Variants in DIXDC1 observed in about 807,000 individuals in gnomAD.
The protein encoded by DIXDC1 is dixin.
Under a neutral mutation model 103.1 loss-of-function variants are expected in DIXDC1, and 64 were observed. That is an observed-to-expected ratio of 0.62 (90% confidence interval 0.51 to 0.76). DIXDC1 has a LOEUF of 0.76. Ranked by LOEUF, DIXDC1 falls within the 30% of genes least tolerant of loss-of-function variation. The pLI, the probability that DIXDC1 is intolerant of heterozygous loss-of-function variation, is 0.00. For missense variants in DIXDC1, 759 were observed against 834.2 expected, an observed-to-expected ratio of 0.91 and a Z score of 1.11; for synonymous variants, 266 against 298.5, an observed-to-expected ratio of 0.89 and a Z score of 1.12.
intron 17 of DIXDC1, among the ~76,000 whole-genome samples, chr11:112,009,924 A>G (rs1861362393): frequency 6.6e-6 from 1 of 152,046 alleles, no homozygotes; most frequent in South Asian, 2.1e-4. Context: ...CTCTCTCACC[A>G]CTCCTATTCA....
At chr11:111,961,072 G>A (rs1555171045) in intron 1 of DIXDC1, among the ~76,000 whole-genome samples, 1 of 152,226 alleles carries the variant, frequency 6.6e-6, no homozygotes, top group Non-Finnish European at 1.5e-5. Flanking sequence ...GAATCACCAG[G>A]AGAGCTTGTT....
At chr11:111,963,445 C>G (rs190297228) in intron 1 of DIXDC1, among the ~76,000 whole-genome samples, 2 of 152,144 alleles carry the variant, frequency 1.3e-5, no homozygotes, top group Non-Finnish European at 2.9e-5. Flanking sequence ...AAAATAATGA[C>G]GATTTAATTT....
chr11:111,930,939 C>T (rs889587597), intron 2 of DIXDC1, among the ~76,000 whole-genome samples: 3 of 150,240 alleles, frequency 2.0e-5, no homozygotes, highest in Non-Finnish European at 4.4e-5. Flanking sequence ...CTGCAACCTC[C>T]GCCTCCTGGG....
intron 8 of DIXDC1, 49 bp from the exon 9 acceptor site, chr11:111,986,822 G>A: frequency 6.6e-7 from 1 of 1,520,872 alleles, no homozygotes; most frequent in South Asian, 1.2e-5. Context: ...GAGTGGCTCT[G>A]TACTTCACAG....
rs1861633281 is a variant in DIXDC1 at position 112,017,627 on chromosome 11, G to C, written c.1863-150G>C. The C allele has an allele frequency of 1.3e-5, 7 of 547,548 alleles. No homozygotes were observed. Among genetic ancestry groups the C allele is most frequent in the Non-Finnish European group, 2.3e-5 (7 of 300,328 alleles). 33.9% of individuals were successfully genotyped at this position (547,548 alleles called of 1,614,324 possible). A position where few individuals can be genotyped will look rare whatever the true frequency, so the allele number is the denominator to read the frequency against. On this transcript the variant is annotated intron_variant, in intron 18 of 19. Transcript: ENST00000440460. The surrounding 1 kb of genome is among the most constrained non-coding windows in gnomAD (Gnocchi z 4.0). ...GATGACTGGTTCTCCAGCCTCTGCTGTTTTAGTCATCTGGGTTATCGGGGC... is the reference window on the plus strand; with the variant it reads ...GATGACTGGTTCTCCAGCCTCTGCTCTTTTAGTCATCTGGGTTATCGGGGC...
intron 1 of DIXDC1, chr11:111,929,739 C>G (rs1360316582): frequency 1.1e-6 from 1 of 897,542 alleles, no homozygotes; most frequent in Non-Finnish European, 1.7e-6. Flanking sequence ...GGGGTCTGGC[C>G]CCAACTCGGT....
chr11:111,956,268 C>T (rs1312061114), intron 1 of DIXDC1, among the ~76,000 whole-genome samples: 3 of 152,008 alleles, frequency 2.0e-5, no homozygotes, highest in Non-Finnish European at 2.9e-5. Flanking sequence ...TTCAATTTTG[C>T]AGTATGAAAA....
chr11:111,973,553 A>T (rs1057291129), intron 3 of DIXDC1, among the ~76,000 whole-genome samples: 7 of 152,198 alleles, frequency 4.6e-5, no homozygotes, highest in Non-Finnish European at 7.3e-5. Flanking sequence ...GTGACTTTTT[A>T]AGTGCTTGAT....
chr11:112,013,604 C>G (rs1861498322), intron 17 of DIXDC1, among the ~76,000 whole-genome samples: 5 of 152,098 alleles, frequency 3.3e-5, no homozygotes, highest in Admixed American at 3.3e-4. Context: ...TTGTAAATCT[C>G]AGTCATTGTT....
chr11:111,945,365 C>T (rs1255518449), intron 1 of DIXDC1, among the ~76,000 whole-genome samples: 1 of 152,182 alleles, frequency 6.6e-6, no homozygotes, highest in Non-Finnish European at 1.5e-5. Context: ...CTGGCTTTCA[C>T]CAATCAACTT....
chr11:112,006,840 A>C (rs1193472557), intron 17 of DIXDC1, among the ~76,000 whole-genome samples: 2 of 152,206 alleles, frequency 1.3e-5, no homozygotes, highest in Non-Finnish European at 2.9e-5. Context: ...ATAAAACCAC[A>C]AAGATGGGGA....
At chr11:111,966,426 C>T (rs1240967923) in intron 2 of DIXDC1, among the ~76,000 whole-genome samples, 9 of 113,650 alleles carry the variant, frequency 7.9e-5, no homozygotes, top group African/African-American at 1.3e-4. Flanking sequence ...TTTTTTGAGA[C>T]GGAGTCTCGC....
At chr11:111,946,043 T>G (rs1202942053) in intron 1 of DIXDC1, among the ~76,000 whole-genome samples, 1 of 151,710 alleles carries the variant, frequency 6.6e-6, no homozygotes, top group African/African-American at 2.4e-5. Flanking sequence ...TTCAAGTGAT[T>G]CTCCTGCCTT....
At chr11:111,951,213 A>T (rs1966793338) in intron 1 of DIXDC1, among the ~76,000 whole-genome samples, 1 of 152,226 alleles carries the variant, frequency 6.6e-6, no homozygotes, top group Admixed American at 6.5e-5. Flanking sequence ...AATTGATAGA[A>T]AATGGAAGTT....
chr11:111,974,559 A>G (rs1860037151), intron 4 of DIXDC1, among the ~76,000 whole-genome samples: 1 of 152,232 alleles, frequency 6.6e-6, no homozygotes, highest in South Asian at 2.1e-4. Flanking sequence ...CCGTGGGAGC[A>G]GTGTTCCAGT....
intron 2 of DIXDC1, among the ~76,000 whole-genome samples, chr11:111,965,663 T>C (rs1859703686): frequency 6.6e-6 from 1 of 152,224 alleles, no homozygotes; most frequent in African/African-American, 2.4e-5. Flanking sequence ...AATCATCATA[T>C]CTTTGGGAAA....
chr11:111,991,827 G>T (rs1158474330), intron 10 of DIXDC1, among the ~76,000 whole-genome samples: 5 of 152,220 alleles, frequency 3.3e-5, no homozygotes, highest in Admixed American at 3.3e-4. Context: ...TTGGAAGCAG[G>T]ATAGCAGCAA....
At chr11:111,941,930 G>A (rs1420109001) in intron 1 of DIXDC1, among the ~76,000 whole-genome samples, 1 of 151,810 alleles carries the variant, frequency 6.6e-6, no homozygotes, top group Non-Finnish European at 1.5e-5. Flanking sequence ...AGTGAGTGAG[G>A]AAGAAGATTG....
rs1555172785 is a variant in DIXDC1, at chr11:111,977,737, G to T, written c.656+2754G>T. On this transcript the variant is annotated intron_variant, in intron 5 of 19. Coordinates refer to ENST00000440460, the MANE Select transcript of DIXDC1 (RefSeq NM_001037954.4). The surrounding 1 kb of genome is among the most constrained non-coding windows in gnomAD (Gnocchi z 6.1). The stretch of plus-strand genomic sequence containing the variant: ...TCAGCCTCCCACTTCACCCGGGGAC[G>T]CAGGCTTGCTGAAGCCCGAGACAGG... 1.3e-6 allele frequency: 2 copies of T among 1,557,844 alleles called. No individual in the cohort carries two copies. Among genetic ancestry groups the T allele is most frequent in the Admixed American group, 3.9e-5 (2 of 51,842 alleles).
Sources: allele counts gnomAD v4.1 joint callset (sites outside exome capture counted in the v4.1 genomes callset), GRCh38; gene constraint gnomAD v4.1.1; non-coding constraint Gnocchi (gnomAD v3.1); transcripts MANE v1.5; gene names NCBI Gene and HGNC (gene_info 2026-07-23, HGNC 2026-07-21).